CDH5: variants seen among roughly 807,000 people sequenced by gnomAD.
CDH5 encodes cadherin 5, also known as cadherin-5.
In CDH5, 28 loss-of-function variants were observed where a neutral mutation model predicts 62.0. That is an observed-to-expected ratio of 0.45 (90% CI 0.33 to 0.62). CDH5 has a LOEUF of 0.62. CDH5 is among the 20% of genes least tolerant of loss of function. The probability of loss-of-function intolerance (pLI) is 0.02; values close to 1 mark genes in which losing one functional copy is unlikely to be tolerated. For missense variants in CDH5, 940 were observed against 1,065.1 expected, an observed-to-expected ratio of 0.88 and a Z score of 1.63; for synonymous variants, 464 against 445.8, an observed-to-expected ratio of 1.04 and a Z score of -0.52.
Position 66,388,416 on chromosome 16 carries a change from G to A in CDH5, c.592G>A (p.Glu198Lys). The A allele has an allele frequency of 6.2e-7, 1 of 1,612,318 alleles. No homozygotes were observed. The highest frequency in any genetic ancestry group is 8.5e-7 in the Non-Finnish European group (1 of 1,178,276). ...SVMYQILKGK[E>K]YFAIDNSGRI... ...CATGTACCAAATCCTGAAGGGGAAA[G>A]AGTATTTTGCCATCGATAATTCTGG... The change falls in exon 4 of 12, where the codon GAG (glutamate) becomes AAG (lysine). Residue 198 changes from glutamate (E) to lysine (K), a missense_variant. Coordinates refer to ENST00000341529, the MANE Select transcript of CDH5 (RefSeq NM_001795.5).
intron 4 of CDH5, among the ~76,000 whole-genome samples, chr16:66,388,913 G>A (rs181244184): frequency 6.6e-6 from 1 of 152,134 alleles, no homozygotes; most frequent in Non-Finnish European, 1.5e-5. Flanking sequence ...AAGGCAGCAA[G>A]GCCCATAGTA....
chr16:66,404,537 T>C lies in CDH5; in HGVS notation c.*1368T>C, dbSNP rs981175493. On this transcript the variant is annotated 3_prime_UTR_variant, in exon 12 of 12. Coordinates refer to ENST00000341529, the MANE Select transcript of CDH5 (RefSeq NM_001795.5). ...CTTCTTATAATGATTTTTTTACTAATGATACTTACAAGTTTCTAGCTCTCA... is the reference window on the plus strand; with the variant it reads ...CTTCTTATAATGATTTTTTTACTAACGATACTTACAAGTTTCTAGCTCTCA... 1 of 152,302 alleles carries C rather than the reference T, an allele frequency of 6.6e-6. No individual in the cohort carries two copies. The highest frequency in any genetic ancestry group is 6.5e-5 in the Admixed American group (1 of 15,292). 9.4% of individuals were successfully genotyped at this position (152,302 alleles called of 1,614,324 possible). A position where few individuals can be genotyped will look rare whatever the true frequency, so the allele number is the denominator to read the frequency against.
chr16:66,401,119 A>T, intron 11 of CDH5, 103 bp downstream of exon 11: 1 of 1,471,344 alleles, frequency 6.8e-7, no homozygotes, highest in Non-Finnish European at 9.4e-7. Context: ...CCAGAGGTTC[A>T]GGCCCAACCC....
chr16:66,387,229 C>A, intron 3 of CDH5, 132 bp downstream of exon 3: 2 of 802,356 alleles, frequency 2.5e-6, no homozygotes, highest in Non-Finnish European at 3.9e-6. Context: ...GCCTGTGTTG[C>A]CACTTTACAT....
At chr16:66,375,147 A>G (rs1960762407) in intron 1 of CDH5, among the ~76,000 whole-genome samples, 1 of 152,226 alleles carries the variant, frequency 6.6e-6, no homozygotes, top group South Asian at 2.1e-4. Flanking sequence ...ATACCTGTGC[A>G]GCATGGTACT....
intron 1 of CDH5, among the ~76,000 whole-genome samples, chr16:66,367,141 G>C (rs1161623810): frequency 6.6e-6 from 1 of 152,234 alleles, no homozygotes; most frequent in Admixed American, 6.5e-5. Flanking sequence ...CCTCCCCTCG[G>C]TGCCTTACCC....
chr16:66,384,654 C>CGTACT (rs1395911312), intron 2 of CDH5, among the ~76,000 whole-genome samples: 1 of 112,274 alleles, frequency 8.9e-6, no homozygotes, highest in African/African-American at 3.7e-5. Context: ...CTCCGGAGTA[C>CGTACT]CTGTCTCAAA....
At chr16:66,371,691 G>A (rs1960693458) in intron 1 of CDH5, among the ~76,000 whole-genome samples, 1 of 152,072 alleles carries the variant, frequency 6.6e-6, no homozygotes. Flanking sequence ...CCCCTATACT[G>A]CAAAGCCCAG....
At chr16:66,393,181 TATA>T (rs1231100973) in intron 7 of CDH5, among the ~76,000 whole-genome samples, 1 of 152,238 alleles carries the variant, frequency 6.6e-6, no homozygotes, top group Non-Finnish European at 1.5e-5. Flanking sequence ...TACTAAATAT[TATA>T]ATAATAAGTC....
At chr16:66,397,013 A>G (rs1261905357) in intron 8 of CDH5, among the ~76,000 whole-genome samples, 1 of 152,262 alleles carries the variant, frequency 6.6e-6, no homozygotes, top group Non-Finnish European at 1.5e-5. Context: ...GGTTTAAAAT[A>G]CGGAAAATAC....
At chr16:66,393,339 T>G (rs145948085) in intron 7 of CDH5, among the ~76,000 whole-genome samples, 227 of 152,354 alleles carry the variant, frequency 1.5e-3, no homozygotes, top group African/African-American at 5.2e-3. Context: ...TATAAAGAAA[T>G]AGTTAAGACT....
rs189258653 is a variant in CDH5, at chr16:66,376,918, T to G, written c.-19-2401T>G. On this transcript the variant is annotated intron_variant, in intron 1 of 11. Coordinates refer to ENST00000341529, the MANE Select transcript of CDH5 (RefSeq NM_001795.5). ...GCCTAGCATGGAGCCCATCATGCAG[T>G]AGGCACCCAGCACCTATCTATCAGC... Among the ~76,000 whole-genome samples the G allele has an allele frequency of 1.8e-3, 268 of 152,318 alleles. 2 individuals carry two copies. Among genetic ancestry groups the G allele is most frequent in the African/African-American group, 6.2e-3 (258 of 41,570 alleles).
At chr16:66,381,407 G>C (rs1960896182) in intron 2 of CDH5, among the ~76,000 whole-genome samples, 1 of 152,188 alleles carries the variant, frequency 6.6e-6, no homozygotes, top group Admixed American at 6.5e-5. Context: ...ATGTCAAACT[G>C]TCACTGATGT....
rs58584593 is a variant in CDH5 at position 66,369,980 on chromosome 16, TTTTGTTTG to T, written c.-20+3250_-20+3257del. 4.9e-3 allele frequency among the ~76,000 whole-genome samples: 730 copies of T among 150,390 alleles called. 2 individuals carry two copies. The highest frequency in any genetic ancestry group is 6.9e-3 in the African/African-American group (282 of 40,712). On this transcript the variant is annotated intron_variant, in intron 1 of 11. Coordinates refer to ENST00000341529, the MANE Select transcript of CDH5 (RefSeq NM_001795.5). ...GTGTTTGCATATTCACTGGAGACTT[TTTTGTTTG>T]TTTGTTTGTTTGTTTGTTTGTTTGT...
intron 7 of CDH5, 154 bp downstream of exon 7, chr16:66,392,537 T>C: frequency 1.9e-6 from 2 of 1,050,816 alleles, no homozygotes; most frequent in South Asian, 1.6e-5. Context: ...CCCAAGCTCT[T>C]GCACTTGGCA....
chr16:66,372,725 C>A (rs1427518833), intron 1 of CDH5, among the ~76,000 whole-genome samples: 2 of 152,170 alleles, frequency 1.3e-5, no homozygotes, highest in Non-Finnish European at 2.9e-5. Flanking sequence ...TCCCAACCTC[C>A]CATGGGAGCA....
At chr16:66,386,410 T>C (rs553749478) in intron 2 of CDH5, among the ~76,000 whole-genome samples, 33 of 152,278 alleles carry the variant, frequency 2.2e-4, no homozygotes, top group African/African-American at 7.7e-4. Context: ...AGGTTATTTG[T>C]CTACCCTCGC....
chr16:66,389,440 G>A lies in CDH5; in HGVS notation c.699G>A (p.Gln233=), dbSNP rs749874514. 6.2e-7 allele frequency: 1 copy of A among 1,613,430 alleles called. No homozygotes were observed. Among genetic ancestry groups the A allele is most frequent in the Non-Finnish European group, 8.5e-7 (1 of 1,179,666 alleles). ...YEIVVEARDA[Q]GLRGDSGTAT... ...TCGTGGTGGAAGCGCGAGATGCCCA[G>A]GGCCTCCGGGGGGACTCGGGCACGG... The change falls in exon 5 of 12, where the codon CAG becomes CAA. Residue 233 remains glutamine (Q), a synonymous_variant. Transcript: ENST00000341529.
intron 1 of CDH5, among the ~76,000 whole-genome samples, chr16:66,369,386 C>A (rs1478147249): frequency 6.6e-6 from 1 of 152,178 alleles, no homozygotes; most frequent in African/African-American, 2.4e-5. Context: ...TTACTGAGCA[C>A]CTACTGTGTG....
Sources: gnomAD v4.1 joint callset for allele counts (sites outside exome capture counted in the v4.1 genomes callset) on GRCh38, gnomAD v4.1.1 for gene constraint, MANE v1.5 for transcripts, NCBI Gene and HGNC (gene_info 2026-07-23, HGNC 2026-07-21) for gene names.